The following CNKSR3 variants were observed in gnomAD, a reference collection of about 807,000 sequenced individuals.
CNKSR3 encodes the protein CNKSR family member 3, also known as connector enhancer of kinase suppressor of ras 3.
Under a neutral mutation model 67.7 loss-of-function variants are expected in CNKSR3, and 36 were observed. The observed-to-expected ratio is 0.53, with a 90% CI of 0.41 to 0.70. CNKSR3 has a LOEUF of 0.70. CNKSR3 is among the 30% of genes least tolerant of loss of function. The pLI is 0.00. For synonymous variants in CNKSR3, 281 were observed against 271.4 expected (o/e 1.04, Z -0.35); for missense variants, 630 against 695.2 (o/e 0.91, Z 1.05).
intron 1 of CNKSR3, among the ~76,000 whole-genome samples, chr6:154,461,959 C>T (rs1786089263): frequency 6.6e-6 from 1 of 152,186 alleles, no homozygotes; most frequent in Admixed American, 6.5e-5. Context: ...GGAAGGGGTG[C>T]TCCAATACAA....
intron 4 of CNKSR3, among the ~76,000 whole-genome samples, chr6:154,434,244 A>G (rs187777926): frequency 6.6e-6 from 1 of 152,352 alleles, no homozygotes; most frequent in East Asian, 1.9e-4. Context: ...GAAATTGCCA[A>G]TGTGAAACTT....
intron 1 of CNKSR3, among the ~76,000 whole-genome samples, chr6:154,504,054 A>G (rs1235777780): frequency 6.6e-6 from 1 of 152,214 alleles, no homozygotes; most frequent in Non-Finnish European, 1.5e-5. Context: ...ACAAGCTCCC[A>G]GGTGATGCTG....
chr6:154,406,680 A>T (rs1311106940), intron 12 of CNKSR3, 28 bp from the exon 13 acceptor site: 1 of 1,592,220 alleles, frequency 6.3e-7, no homozygotes, highest in South Asian at 1.1e-5. Flanking sequence ...CCATTAAGTC[A>T]CAATCCCAGC....
At chr6:154,489,748 C>A (rs73576847) in intron 1 of CNKSR3, among the ~76,000 whole-genome samples, 241 of 152,226 alleles carry the variant, frequency 1.6e-3, no homozygotes, top group African/African-American at 5.5e-3. Context: ...CTAACCACTT[C>A]CAGAGAAAAA....
rs1188598064 is a variant in CNKSR3, at chr6:154,503,601, T to C, written c.52+6462A>G. 4.0e-5 allele frequency among the ~76,000 whole-genome samples: 6 copies of C among 151,524 alleles called. No homozygotes were observed. In the East Asian group the frequency reaches 1.2e-3, roughly 29 times the overall value. Reference sequence around the variant, plus strand: ...AATGAGCTATGATCGTACCACTGCTTTCTAACCTGGGCAAGAGAGCAAGAC... The same window carrying C: ...AATGAGCTATGATCGTACCACTGCTCTCTAACCTGGGCAAGAGAGCAAGAC... On this transcript the variant is annotated intron_variant, in intron 1 of 12. Coordinates refer to ENST00000607772, the MANE Select transcript of CNKSR3 (RefSeq NM_173515.4).
chr6:154,492,770 A>AAC (rs1786807172), intron 1 of CNKSR3, among the ~76,000 whole-genome samples: 2 of 149,428 alleles, frequency 1.3e-5, no homozygotes, highest in Admixed American at 6.7e-5. Context: ...AAAAAACAAA[A>AAC]AAAAAAACAA....
chr6:154,418,085 G>T (rs9383708), intron 9 of CNKSR3, among the ~76,000 whole-genome samples: 14,391 of 152,040 alleles, frequency 0.095, 1,130 homozygotes, highest in East Asian at 0.41. Context: ...ACCACCCCCC[G>T]CTGCTGGGAA....
At chr6:154,414,509 A>C in intron 9 of CNKSR3, 86 bp from the exon 10 acceptor site, 1 of 1,401,048 alleles carries the variant, frequency 7.1e-7, no homozygotes, top group South Asian at 1.3e-5. Flanking sequence ...CCCCAAACCA[A>C]CACCAACCCC....
intron 1 of CNKSR3, among the ~76,000 whole-genome samples, chr6:154,470,797 T>C (rs1200721684): frequency 6.6e-6 from 1 of 152,202 alleles, no homozygotes; most frequent in African/African-American, 2.4e-5. Flanking sequence ...CTTGGGGATA[T>C]ACCTAGGAGT....
At chr6:154,424,566 AT>A (rs1785216220) in intron 7 of CNKSR3, among the ~76,000 whole-genome samples, 1 of 152,244 alleles carries the variant, frequency 6.6e-6, no homozygotes, top group African/African-American at 2.4e-5. Context: ...GTTTCTCTAA[AT>A]TGTTGTGACA....
In CNKSR3 at chr6:154,395,323, G is replaced by T. The variant is rs3828934; in HGVS notation, c.*11031C>A. 1.3e-5 allele frequency: 2 copies of T among 152,198 alleles called. No homozygotes were observed. Among genetic ancestry groups the T allele is most frequent in the Admixed American group, 1.3e-4 (2 of 15,280 alleles). The allele number at this position is 152,198 out of a possible 1,614,324, so 9.4% of individuals were successfully genotyped here. A position where few individuals can be genotyped will look rare whatever the true frequency, so the allele number is the denominator to read the frequency against. On this transcript the variant is annotated 3_prime_UTR_variant, in exon 13 of 13. Coordinates refer to ENST00000607772, the MANE Select transcript of CNKSR3 (RefSeq NM_173515.4). ...AAAGAATTGGGAAAATGATCATACA[G>T]AGCCCTGGTAACAGTCATCATCATC...
chr6:154,444,652 C>T (rs984057684), intron 2 of CNKSR3, among the ~76,000 whole-genome samples: 1 of 148,696 alleles, frequency 6.7e-6, no homozygotes, highest in African/African-American at 2.5e-5. Context: ...TGTCACCAGG[C>T]TGGAGTGCAG....
chr6:154,438,560 T>G (rs1785519202), intron 4 of CNKSR3, among the ~76,000 whole-genome samples: 1 of 152,158 alleles, frequency 6.6e-6, no homozygotes, highest in Non-Finnish European at 1.5e-5. Context: ...AAATTGAGGT[T>G]CAAAAATTAT....
chr6:154,472,801 GGA>G (rs934955566), intron 1 of CNKSR3, among the ~76,000 whole-genome samples: 1 of 69,826 alleles, frequency 1.4e-5, no homozygotes, highest in African/African-American at 7.0e-5. Context: ...ATCTTTAAAA[GGA>G]AAAAAAAAAA....
intron 1 of CNKSR3, among the ~76,000 whole-genome samples, chr6:154,456,881 G>T (rs1437610017): frequency 6.6e-6 from 1 of 152,018 alleles, no homozygotes; most frequent in Non-Finnish European, 1.5e-5. Flanking sequence ...CTCTCTACTG[G>T]AAATCGACCT....
intron 1 of CNKSR3, among the ~76,000 whole-genome samples, chr6:154,457,251 T>C (rs758950237): frequency 4.6e-5 from 7 of 152,200 alleles, no homozygotes; most frequent in Non-Finnish European, 1.0e-4. Context: ...GGTGGTCTAC[T>C]GGTAGGCCTC....
chr6:154,434,264 A>T (rs1466848070), intron 4 of CNKSR3, among the ~76,000 whole-genome samples: 1 of 152,168 alleles, frequency 6.6e-6, no homozygotes, highest in African/African-American at 2.4e-5. Context: ...TTCACAGTTA[A>T]CCTTCTAGAA....
intron 12 of CNKSR3, 144 bp from the exon 13 acceptor site, chr6:154,406,796 C>T (rs1784802924): frequency 2.9e-6 from 2 of 694,802 alleles, no homozygotes; most frequent in African/African-American, 1.8e-5. Flanking sequence ...GGTGAAACCC[C>T]GTCTCTACTG....
chr6:154,490,362 A>G (rs1198523343), intron 1 of CNKSR3, among the ~76,000 whole-genome samples: 1 of 152,308 alleles, frequency 6.6e-6, no homozygotes, highest in East Asian at 1.9e-4. Context: ...TGAGCCCTAA[A>G]AAATAAATAC....
Sources: allele counts gnomAD v4.1 joint callset (sites outside exome capture counted in the v4.1 genomes callset), GRCh38; gene constraint gnomAD v4.1.1; transcripts MANE v1.5; gene names NCBI Gene and HGNC (gene_info 2026-07-23, HGNC 2026-07-21).